Variants in ATE1 observed in about 807,000 individuals in gnomAD.
The protein encoded by ATE1 is arginyl-tRNA--protein transferase 1.
In ATE1, 36 loss-of-function variants were observed where a neutral mutation model predicts 70.5. The ratio of observed to expected loss-of-function variants is 0.51; its 90% CI spans 0.39 to 0.67. The LOEUF is 0.67. Ranked by LOEUF, ATE1 falls within the 30% of genes least tolerant of loss-of-function variation. The probability of loss-of-function intolerance (pLI) is 0.00; values close to 1 mark genes in which losing one functional copy is unlikely to be tolerated. For missense variants in ATE1, 593 were observed against 629.5 expected (o/e 0.94, Z 0.62); for synonymous variants, 232 against 219.3 (o/e 1.06, Z -0.51).
intron 5 of ATE1, among the ~76,000 whole-genome samples, chr10:121,908,653 T>G (rs1951298154): frequency 6.6e-6 from 1 of 152,176 alleles, no homozygotes; most frequent in South Asian, 2.1e-4. Context: ...GGAACATCCA[T>G]GACTATTAGC....
At chr10:121,824,990 C>A (rs1473443260) in intron 10 of ATE1, among the ~76,000 whole-genome samples, 1 of 148,802 alleles carries the variant, frequency 6.7e-6, no homozygotes. Context: ...AAGCATACGC[C>A]AAAAAGGAGA....
At chr10:121,762,676 T>G (rs923562391) in intron 11 of ATE1, among the ~76,000 whole-genome samples, 2 of 152,182 alleles carry the variant, frequency 1.3e-5, no homozygotes, top group Non-Finnish European at 2.9e-5. Flanking sequence ...GGCGTCCTGT[T>G]GAGGACTGGT....
intron 7 of ATE1, among the ~76,000 whole-genome samples, chr10:121,881,011 A>G (rs1189001436): frequency 2.0e-5 from 3 of 152,212 alleles, no homozygotes; most frequent in Non-Finnish European, 4.4e-5. Context: ...TTGTATGTAA[A>G]TTGCTCAACA....
chr10:121,775,317 G>C (rs2135911695), intron 11 of ATE1, among the ~76,000 whole-genome samples: 1 of 152,166 alleles, frequency 6.6e-6, no homozygotes, highest in African/African-American at 2.4e-5. Context: ...GCCTGTCAGA[G>C]AGTGGGGGGC....
chr10:121,790,046 T>A lies in ATE1; in HGVS notation c.1378+123A>T, dbSNP rs77384673. ...CTCTATCTTACACACACACACACACTCATGCACAGCATACTCTATAATATA... is the reference window on the plus strand; with the variant it reads ...CTCTATCTTACACACACACACACACACATGCACAGCATACTCTATAATATA... On this transcript the variant is annotated intron_variant, in intron 11 of 11. Coordinates refer to ENST00000224652, the MANE Select transcript of ATE1 (RefSeq NM_001001976.3). 41 of 725,544 alleles carry A rather than the reference T, an allele frequency of 5.7e-5. No individual in the cohort carries two copies. Among genetic ancestry groups the A allele is most frequent in the Non-Finnish European group, 7.6e-5 (37 of 485,290 alleles). 44.9% of individuals were successfully genotyped at this position (725,544 alleles called of 1,614,324 possible).
intron 7 of ATE1, among the ~76,000 whole-genome samples, chr10:121,887,623 T>A (rs954549232): frequency 6.6e-6 from 1 of 152,138 alleles, no homozygotes; most frequent in Admixed American, 6.5e-5. Flanking sequence ...GGAAGACTGC[T>A]TGAGTCCAAG....
chr10:121,860,887 G>C (rs1454205650), intron 8 of ATE1, among the ~76,000 whole-genome samples: 1 of 152,156 alleles, frequency 6.6e-6, no homozygotes, highest in Non-Finnish European at 1.5e-5. Flanking sequence ...ATGCTTATGT[G>C]AGCCCTTACT....
chr10:121,920,552 G>T (rs970458570), intron 3 of ATE1, among the ~76,000 whole-genome samples: 4 of 151,838 alleles, frequency 2.6e-5, no homozygotes, highest in African/African-American at 9.7e-5. Flanking sequence ...AGAAAAAGAT[G>T]ATGATGACCT....
At chr10:121,928,378 G>C, upstream of ATE1, 1 of 1,533,096 alleles carries the variant, frequency 6.5e-7, no homozygotes, top group Non-Finnish European at 8.8e-7. Context: ...TGGAATCGCA[G>C]TAGCCGCAGT....
intron 10 of ATE1, among the ~76,000 whole-genome samples, chr10:121,795,976 G>T (rs1420710049): frequency 6.6e-6 from 1 of 152,182 alleles, no homozygotes; most frequent in African/African-American, 2.4e-5. Flanking sequence ...GAACAAAGAG[G>T]TAAAAGCAGA....
rs190989232 is a variant in ATE1 at position 121,916,663 on chromosome 10, G to A, written c.234-2770C>T. ...ATCCTGGCTAACACGGTGAAACCCC[G>A]TCTCTACTGAAAATACAAAAAATTA... is the stretch of plus-strand genomic sequence containing the variant. On this transcript the variant is annotated intron_variant, in intron 3 of 11. Transcript: ENST00000224652. 3.7e-3 allele frequency among the ~76,000 whole-genome samples: 556 copies of A among 151,954 alleles called. 2 individuals carry two copies. The highest frequency in any genetic ancestry group is 0.012 in the African/African-American group (501 of 41,442).
At position 121,907,893 on chromosome 10, in the gene ATE1, T is replaced by C. The variant is rs368704228; in HGVS notation, c.583+3013A>G. Among the ~76,000 whole-genome samples, 11 of 152,140 alleles carry C rather than the reference T, an allele frequency of 7.2e-5. 1 individual carries two copies. Among genetic ancestry groups the C allele is most frequent in the African/African-American group, 2.4e-4 (10 of 41,512 alleles). The stretch of plus-strand genomic sequence containing the variant: ...AAAACAATGACCAAGCCAGCAGCAA[T>C]AATGTGCACTCCTAATCTAGTGTGT... On this transcript the variant is annotated intron_variant, in intron 5 of 11. Transcript: ENST00000224652.
intron 8 of ATE1, among the ~76,000 whole-genome samples, chr10:121,842,856 A>G (rs1948682403): frequency 6.6e-6 from 1 of 152,186 alleles, no homozygotes; most frequent in Non-Finnish European, 1.5e-5. Flanking sequence ...AGTTTTCTCA[A>G]TTAGCTAAAT....
intron 7 of ATE1, among the ~76,000 whole-genome samples, chr10:121,897,177 T>C (rs1950813402): frequency 6.6e-6 from 1 of 152,198 alleles, no homozygotes; most frequent in Admixed American, 6.5e-5. Context: ...AGACTATGAA[T>C]GCCTTTAGTG....
chr10:121,836,616 G>T, intron 10 of ATE1, 102 bp downstream of exon 10: 1 of 680,302 alleles, frequency 1.5e-6, no homozygotes, highest in Non-Finnish European at 2.4e-6. Context: ...TAACCCATTC[G>T]TCCTTCCTTC....
chr10:121,869,855 T>A, intron 8 of ATE1, 151 bp downstream of exon 8: 1 of 561,212 alleles, frequency 1.8e-6, no homozygotes. Flanking sequence ...AAAAAAAGCC[T>A]GCAGTAACTC....
intron 7 of ATE1, among the ~76,000 whole-genome samples, chr10:121,894,296 T>C (rs769550307): frequency 1.3e-5 from 2 of 152,118 alleles, no homozygotes; most frequent in Non-Finnish European, 2.9e-5. Context: ...CTGTTCTCCC[T>C]ATGGACTTTA....
chr10:121,782,441 G>A (rs1352723392), intron 11 of ATE1: 1 of 152,188 alleles, frequency 6.6e-6, no homozygotes, highest in African/African-American at 2.4e-5. Context: ...TGTATTTAAT[G>A]TATAATCATT....
chr10:121,922,177 C>T (rs1361243165), intron 3 of ATE1, among the ~76,000 whole-genome samples, 172 bp downstream of exon 3: 1 of 152,088 alleles, frequency 6.6e-6, no homozygotes, highest in East Asian at 1.9e-4. Flanking sequence ...ACCTACTGAT[C>T]AGCACATAAA....
Sources: gnomAD v4.1 joint callset for allele counts (sites outside exome capture counted in the v4.1 genomes callset) on GRCh38, gnomAD v4.1.1 for gene constraint, MANE v1.5 for transcripts, NCBI Gene and HGNC (gene_info 2026-07-23, HGNC 2026-07-21) for gene names.